CLSTN2: variants seen among roughly 807,000 people sequenced by gnomAD.
CLSTN2 encodes the protein calsyntenin 2.
In CLSTN2, 48 loss-of-function variants were observed where a neutral mutation model predicts 101.2. That is an observed-to-expected ratio of 0.47 (90% CI 0.38 to 0.60). The LOEUF (loss-of-function observed/expected upper bound fraction) is 0.60. Ranked by LOEUF, CLSTN2 falls within the 20% of genes least tolerant of loss-of-function variation. The pLI is 0.00. For synonymous variants in CLSTN2, 481 were observed against 463.6 expected, an observed-to-expected ratio of 1.04 and a Z score of -0.48; for missense variants, 1,160 against 1,238.2, an observed-to-expected ratio of 0.94 and a Z score of 0.95.
At chr3:140,064,552 C>T (rs2008266198) in intron 1 of CLSTN2, among the ~76,000 whole-genome samples, 1 of 152,186 alleles carries the variant, frequency 6.6e-6, no homozygotes, top group South Asian at 2.1e-4. Flanking sequence ...CCACCTATTA[C>T]TAGAACAACC....
At chr3:140,460,978 C>G (rs188444280) in intron 7 of CLSTN2, 3 of 151,992 alleles carry the variant, frequency 2.0e-5, no homozygotes, top group Non-Finnish European at 4.4e-5. Context: ...TCATTTTCCC[C>G]GTAGGTAAAA....
At chr3:140,387,409 A>T (rs1179989103) in intron 2 of CLSTN2, among the ~76,000 whole-genome samples, 1 of 152,226 alleles carries the variant, frequency 6.6e-6, no homozygotes, top group Non-Finnish European at 1.5e-5. Flanking sequence ...CTATAACAGC[A>T]GTTTACTAAC....
intron 5 of CLSTN2, among the ~76,000 whole-genome samples, chr3:140,440,047 A>G (rs1193457440): frequency 2.0e-5 from 3 of 152,252 alleles, no homozygotes; most frequent in African/African-American, 7.2e-5. Flanking sequence ...CGGGACTTAA[A>G]GGAATCAGTA....
Position 140,304,721 on chromosome 3 carries a change from C to T in CLSTN2, c.233-98908C>T, listed in dbSNP as rs973732060. Among the ~76,000 whole-genome samples, 8 of 152,220 alleles carry T rather than the reference C, an allele frequency of 5.3e-5. No individual in the cohort carries two copies. In the South Asian group the frequency reaches 1.0e-3, roughly 20 times the overall value. On this transcript the variant is annotated intron_variant, in intron 2 of 16. Coordinates refer to ENST00000458420, the MANE Select transcript of CLSTN2 (RefSeq NM_022131.3). ...TAGTGGAACAGAGACAGGGAGGAAG[C>T]GTCTTTTCTCATTGAATCAGCGCAA...
chr3:140,454,488 C>T (rs1297853987), intron 6 of CLSTN2: 2 of 152,150 alleles, frequency 1.3e-5, no homozygotes, highest in African/African-American at 4.8e-5. Flanking sequence ...ATCAAAAAGT[C>T]CTCTGTGCCT....
intron 2 of CLSTN2, among the ~76,000 whole-genome samples, chr3:140,364,081 G>C (rs1188431512): frequency 2.0e-5 from 3 of 152,176 alleles, no homozygotes; most frequent in African/African-American, 7.2e-5. Context: ...TGTTTTCTAA[G>C]TCCCGATTCT....
At chr3:140,324,377 T>C (rs980814132) in intron 2 of CLSTN2, among the ~76,000 whole-genome samples, 1 of 152,224 alleles carries the variant, frequency 6.6e-6, no homozygotes, top group African/African-American at 2.4e-5. Context: ...TTAAGTGACA[T>C]GTAAAAATGC....
intron 8 of CLSTN2, among the ~76,000 whole-genome samples, chr3:140,480,700 T>C (rs1255505106): frequency 6.6e-6 from 1 of 152,246 alleles, no homozygotes; most frequent in Non-Finnish European, 1.5e-5. Flanking sequence ...TGGCCAGTGA[T>C]GATGAGCATT....
chr3:140,449,420 A>G (rs1933185305), intron 6 of CLSTN2: 2 of 152,198 alleles, frequency 1.3e-5, no homozygotes, highest in African/African-American at 2.4e-5. Flanking sequence ...GAAGCAGGAG[A>G]TGGCTCACAA....
At chr3:140,165,844 A>T (rs551613839) in intron 1 of CLSTN2, among the ~76,000 whole-genome samples, 1 of 152,198 alleles carries the variant, frequency 6.6e-6, no homozygotes, top group African/African-American at 2.4e-5. Flanking sequence ...AAGAACAGAT[A>T]CTCAAACTAG....
chr3:140,305,093 C>CTT (rs2087099989), intron 2 of CLSTN2, among the ~76,000 whole-genome samples: 1 of 151,766 alleles, frequency 6.6e-6, no homozygotes, highest in East Asian at 1.9e-4. Flanking sequence ...CTCTCTCTCT[C>CTT]TCTATGGTGA....
chr3:140,354,721 G>A lies in CLSTN2; in HGVS notation c.233-48908G>A, dbSNP rs111642734. 1.7e-3 allele frequency among the ~76,000 whole-genome samples: 262 copies of A among 152,242 alleles called. 1 individual carries two copies. The highest frequency in any genetic ancestry group is 5.8e-3 in the African/African-American group (240 of 41,528). On this transcript the variant is annotated intron_variant, in intron 2 of 16. Coordinates refer to ENST00000458420, the MANE Select transcript of CLSTN2 (RefSeq NM_022131.3). Reference sequence around the variant, plus strand: ...GAATTAGGCTTGGTCCATGGTTAGTGGGAATCAAGCATGAAAAAAGTAACT... The same window carrying A: ...GAATTAGGCTTGGTCCATGGTTAGTAGGAATCAAGCATGAAAAAAGTAACT...
intron 2 of CLSTN2, among the ~76,000 whole-genome samples, chr3:140,379,696 G>A (rs984560274): frequency 6.6e-6 from 1 of 152,234 alleles, no homozygotes; most frequent in South Asian, 2.1e-4. Context: ...TTGTCATTGG[G>A]TACAGGTTAA....
chr3:140,150,026 A>G (rs1346926533), intron 1 of CLSTN2, among the ~76,000 whole-genome samples: 1 of 152,182 alleles, frequency 6.6e-6, no homozygotes, highest in African/African-American at 2.4e-5. Flanking sequence ...GAAAAAATGA[A>G]TGTGGCCTAG....
intron 2 of CLSTN2, among the ~76,000 whole-genome samples, chr3:140,254,632 A>G (rs1272067953): frequency 6.6e-6 from 1 of 152,188 alleles, no homozygotes; most frequent in Non-Finnish European, 1.5e-5. Context: ...ACAGATGCAG[A>G]AGATTGAAAC....
At chr3:140,228,326 A>T (rs1226308833) in intron 2 of CLSTN2, among the ~76,000 whole-genome samples, 1 of 152,172 alleles carries the variant, frequency 6.6e-6, no homozygotes, top group African/African-American at 2.4e-5. Context: ...CTAAAACATA[A>T]CAAGAGTCAC....
chr3:139,943,982 G>T (rs754179420), intron 1 of CLSTN2, among the ~76,000 whole-genome samples: 1 of 152,288 alleles, frequency 6.6e-6, no homozygotes, highest in East Asian at 1.9e-4. Flanking sequence ...CCAGCCTGGC[G>T]TAAAAGTCTA....
chr3:140,535,086 A>G lies in CLSTN2; in HGVS notation c.1507+2600A>G, dbSNP rs183426375. On this transcript the variant is annotated intron_variant, in intron 9 of 16. Coordinates refer to ENST00000458420, the MANE Select transcript of CLSTN2 (RefSeq NM_022131.3). ...TAATAGGACAAATTACTTTCCACCA[A>G]TGCAACCACCATGCCCTCCCCACCA... Among the ~76,000 whole-genome samples, 157 of 152,324 alleles carry G rather than the reference A, an allele frequency of 1.0e-3. 1 individual carries two copies. The highest frequency in any genetic ancestry group is 4.6e-3 in the Admixed American group (70 of 15,300).
intron 1 of CLSTN2, among the ~76,000 whole-genome samples, chr3:140,084,391 C>T (rs886580105): frequency 2.0e-5 from 3 of 152,160 alleles, no homozygotes; most frequent in African/African-American, 7.2e-5. Flanking sequence ...TCAGCAAAGA[C>T]CTTAACCCCC....
Sources: gnomAD v4.1 joint callset for allele counts (sites outside exome capture counted in the v4.1 genomes callset) on GRCh38, gnomAD v4.1.1 for gene constraint, MANE v1.5 for transcripts, NCBI Gene and HGNC (gene_info 2026-07-23, HGNC 2026-07-21) for gene names.